Variants in LMF1 observed in about 807,000 individuals in gnomAD.
The protein encoded by LMF1 is lipase maturation factor 1, also known as transmembrane protein 112.
A neutral mutation model predicts 60.6 loss-of-function variants in LMF1; 68 were observed. That is an observed-to-expected ratio of 1.12 (90% CI 0.92 to 1.37). The LOEUF (loss-of-function observed/expected upper bound fraction) is 1.37, where lower values mean the gene tolerates loss of function less well. Among genes scored for constraint, LMF1 ranks in the 40% most tolerant of loss-of-function variants. The pLI is 0.00. For missense variants in LMF1, 948 were observed against 767.2 expected, an observed-to-expected ratio of 1.24 and a Z score of -2.78; for synonymous variants, 418 against 324.7, an observed-to-expected ratio of 1.29 and a Z score of -3.09.
intron 10 of LMF1, chr16:855,036 G>C: frequency 2.3e-6 from 1 of 428,946 alleles, no homozygotes; most frequent in Non-Finnish European, 4.4e-6. Context: ...GAGCAAGCCT[G>C]AGACCGTTCA....
intron 3 of LMF1, among the ~76,000 whole-genome samples, chr16:917,055 T>C (rs895814548): frequency 7.9e-5 from 12 of 152,222 alleles, no homozygotes; most frequent in African/African-American, 2.4e-4. Context: ...GGGGCTGCCA[T>C]GCTGCAAACT....
intron 2 of LMF1, among the ~76,000 whole-genome samples, chr16:948,107 C>CTTAG (rs2072294839): frequency 4.0e-5 from 6 of 149,462 alleles, no homozygotes; most frequent in South Asian, 2.1e-4. Context: ...ACGACAGAGT[C>CTTAG]AGCCAACGAC....
chr16:892,115 C>T (rs573574435), intron 5 of LMF1, among the ~76,000 whole-genome samples: 5 of 152,360 alleles, frequency 3.3e-5, no homozygotes, highest in African/African-American at 1.2e-4. Context: ...GCAGCAGAGG[C>T]ACCGCGTGAG....
Position 913,403 on chromosome 16 carries a change from C to T in LMF1, c.515-2324G>A, listed in dbSNP as rs149374910. On this transcript the variant is annotated intron_variant, in intron 3 of 10. Transcript: ENST00000262301. ...AATCAGCGGAGAAGCTGCATGTGCACGGTCCAGGGAGATGCTCCTGAGCCC... is the reference window on the plus strand; with the variant it reads ...AATCAGCGGAGAAGCTGCATGTGCATGGTCCAGGGAGATGCTCCTGAGCCC... Among the ~76,000 whole-genome samples, 87 of 152,390 alleles carry T rather than the reference C, an allele frequency of 5.7e-4. 1 individual carries two copies. Among genetic ancestry groups the T allele is most frequent in the African/African-American group, 2.0e-3 (84 of 41,598 alleles).
chr16:860,471 C>G lies in LMF1; in HGVS notation c.1530-5765G>C, dbSNP rs111463249. ...CCTCCCACCTCAGCCTCCCGAGTAG[C>G]TGGGACTACAGGCATGTGCCACCAG... On this transcript the variant is annotated intron_variant, in intron 10 of 10. Coordinates refer to ENST00000262301, the MANE Select transcript of LMF1 (RefSeq NM_022773.4). Among the ~76,000 whole-genome samples the G allele has an allele frequency of 5.7e-3, 871 of 152,172 alleles. 13 individuals are homozygous for G. The highest frequency in any genetic ancestry group is 0.02 in the African/African-American group (839 of 41,496).
intron 2 of LMF1, among the ~76,000 whole-genome samples, chr16:935,576 A>AAAAAAAC (rs1453133276): frequency 6.6e-6 from 1 of 152,114 alleles, no homozygotes; most frequent in Non-Finnish European, 1.5e-5. Flanking sequence ...TGAGCTAAAA[A>AAAAAAAC]AAAAAAAACT....
intron 1 of LMF1, among the ~76,000 whole-genome samples, chr16:964,581 C>T (rs146773107): frequency 0.018 from 2,727 of 152,278 alleles, 60 homozygotes; most frequent in Admixed American, 0.04. Context: ...TTCATTAGAA[C>T]TCAAGTGGCC....
At chr16:977,500 G>A (rs774850305) in intron 1 of LMF1, among the ~76,000 whole-genome samples, 12 of 152,196 alleles carry the variant, frequency 7.9e-5, no homozygotes, top group African/African-American at 2.2e-4. Flanking sequence ...CTCCCAGGCC[G>A]TGCCAGGACG....
At chr16:966,858 T>C (rs2072935316) in intron 1 of LMF1, among the ~76,000 whole-genome samples, 2 of 152,382 alleles carry the variant, frequency 1.3e-5, no homozygotes, top group Non-Finnish European at 1.5e-5. Context: ...TTCTCTGCAG[T>C]GAACTGCTAT....
chr16:956,871 A>C (rs1040391091), intron 1 of LMF1, among the ~76,000 whole-genome samples: 4 of 147,444 alleles, frequency 2.7e-5, no homozygotes, highest in African/African-American at 1.0e-4. Context: ...AGTAGATTTA[A>C]GGGTCGGGCA....
intron 6 of LMF1, among the ~76,000 whole-genome samples, chr16:875,461 G>A (rs2069945753): frequency 6.6e-6 from 1 of 152,172 alleles, no homozygotes; most frequent in Admixed American, 6.5e-5. Flanking sequence ...CCCATTCCAT[G>A]TCACGGTAGC....
At chr16:937,366 G>A (rs2071976073) in intron 2 of LMF1, among the ~76,000 whole-genome samples, 1 of 152,204 alleles carries the variant, frequency 6.6e-6, no homozygotes, top group Non-Finnish European at 1.5e-5. Context: ...CCTGGACAGT[G>A]GGACGTAGAT....
intron 1 of LMF1, among the ~76,000 whole-genome samples, chr16:965,598 T>C (rs914468897): frequency 3.9e-5 from 6 of 152,254 alleles, no homozygotes; most frequent in Admixed American, 3.9e-4. Context: ...GAAAGTGGCT[T>C]TGATGGAGAA....
Position 866,109 on chromosome 16 carries a change from C to A in LMF1, c.1529+2835G>T, listed in dbSNP as rs111246156. Among the ~76,000 whole-genome samples, 377 of 152,366 alleles carry A rather than the reference C, an allele frequency of 2.5e-3. 2 individuals carry two copies. The highest frequency in any genetic ancestry group is 8.6e-3 in the African/African-American group (359 of 41,582). ...AATACCTCCCTCATCTTGGTGCTATCATCTGTCGACTGTCCTTTTTCACCA... is the reference window on the plus strand; with the variant it reads ...AATACCTCCCTCATCTTGGTGCTATAATCTGTCGACTGTCCTTTTTCACCA... On this transcript the variant is annotated intron_variant, in intron 10 of 10. Transcript: ENST00000262301.
intron 1 of LMF1, among the ~76,000 whole-genome samples, chr16:963,212 C>CT (rs2072849655): frequency 6.6e-6 from 1 of 152,110 alleles, no homozygotes; most frequent in Non-Finnish European, 1.5e-5. Flanking sequence ...CCCCACACCC[C>CT]TACTGCCTCC....
At chr16:884,564 T>A (rs552408436) in intron 5 of LMF1, among the ~76,000 whole-genome samples, 38 of 152,290 alleles carry the variant, frequency 2.5e-4, no homozygotes, top group African/African-American at 8.2e-4. Context: ...GTCTGTTAGG[T>A]GGAGGGAGAA....
intron 3 of LMF1, among the ~76,000 whole-genome samples, chr16:932,590 A>T (rs1016609931): frequency 1.3e-5 from 2 of 151,288 alleles, no homozygotes; most frequent in East Asian, 1.9e-4. Context: ...AATTTTAATT[A>T]AAAAAATTTT....
intron 3 of LMF1, among the ~76,000 whole-genome samples, chr16:919,970 C>T (rs1343044860): frequency 1.3e-5 from 2 of 152,198 alleles, no homozygotes; most frequent in Admixed American, 6.5e-5. Context: ...ACCTCCAGGG[C>T]CTTGCTGGAC....
chr16:870,206 G>T, intron 8 of LMF1, 140 bp from the exon 9 acceptor site: 1 of 962,016 alleles, frequency 1.0e-6, no homozygotes, highest in Non-Finnish European at 1.5e-6. Context: ...CTGGTCAGGG[G>T]CTACTGAGAG....
Sources: gnomAD v4.1 joint callset for allele counts (sites outside exome capture counted in the v4.1 genomes callset) on GRCh38, gnomAD v4.1.1 for gene constraint, MANE v1.5 for transcripts, NCBI Gene and HGNC (gene_info 2026-07-23, HGNC 2026-07-21) for gene names.